The following ANO4 variants were observed in gnomAD, a reference collection of about 807,000 sequenced individuals.
ANO4 encodes anoctamin 4.
A neutral mutation model predicts 141.9 loss-of-function variants in ANO4; 69 were observed. The observed-to-expected ratio is 0.49, with a 90% CI of 0.40 to 0.59. The LOEUF is 0.59. Among genes scored for constraint, ANO4 ranks in the 20% least tolerant of loss-of-function variants. The pLI, the probability that ANO4 is intolerant of heterozygous loss-of-function variation, is 0.00. For missense variants in ANO4, 894 were observed against 1,162.2 expected (o/e 0.77, Z 3.36); for synonymous variants, 350 against 394.3 (o/e 0.89, Z 1.33).
chr12:100,807,531 G>A (rs940957971), intron 1 of ANO4, among the ~76,000 whole-genome samples: 1 of 152,118 alleles, frequency 6.6e-6, no homozygotes, highest in African/African-American at 2.4e-5. Flanking sequence ...TTTGGAGAAA[G>A]GGTTAAATTA....
At chr12:100,926,503 C>T (rs879285945) in intron 3 of ANO4, among the ~76,000 whole-genome samples, 21 of 152,010 alleles carry the variant, frequency 1.4e-4, no homozygotes, top group Non-Finnish European at 2.2e-4. Context: ...AAAATGAAAA[C>T]GTTTTCAGAT....
chr12:100,798,133 A>G (rs1356330973), intron 1 of ANO4, among the ~76,000 whole-genome samples: 1 of 152,212 alleles, frequency 6.6e-6, no homozygotes. Flanking sequence ...TTTACTGTCT[A>G]AAAGGTCTTT....
intron 7 of ANO4, among the ~76,000 whole-genome samples, chr12:100,984,614 T>C (rs1277626359): frequency 6.6e-6 from 1 of 152,200 alleles, no homozygotes; most frequent in Non-Finnish European, 1.5e-5. Context: ...TTGTTACTAT[T>C]ACCTCTATTT....
intron 16 of ANO4, 125 bp from the exon 17 acceptor site, chr12:101,086,535 G>T: frequency 1.0e-6 from 1 of 965,674 alleles, no homozygotes; most frequent in East Asian, 2.4e-5. Context: ...ATTTGATTGT[G>T]ATCTCTTGAG....
intron 7 of ANO4, among the ~76,000 whole-genome samples, chr12:100,986,202 T>C (rs2044700346): frequency 1.3e-5 from 2 of 152,098 alleles, no homozygotes; most frequent in African/African-American, 2.4e-5. Flanking sequence ...GCTCATAAGA[T>C]TCTGGAGAGC....
At chr12:100,939,218 G>C (rs1312078738) in intron 3 of ANO4, 97 bp from the exon 4 acceptor site, 2 of 1,281,720 alleles carry the variant, frequency 1.6e-6, no homozygotes, top group African/African-American at 3.0e-5. Flanking sequence ...GAAATGATGA[G>C]AAAATATGAA....
At chr12:100,866,581 G>C (rs1363418650) in intron 1 of ANO4, among the ~76,000 whole-genome samples, 1 of 152,158 alleles carries the variant, frequency 6.6e-6, no homozygotes. Context: ...CCTTTTCTCT[G>C]TGTTAGTTCA....
chr12:100,765,030 G>T (rs1375143883), intron 3 of ANO4, among the ~76,000 whole-genome samples: 1 of 152,180 alleles, frequency 6.6e-6, no homozygotes, highest in Non-Finnish European at 1.5e-5. Context: ...GTTTAAGAGG[G>T]ATTGGTTTTA....
intron 8 of ANO4, among the ~76,000 whole-genome samples, chr12:100,988,954 G>A (rs1357304361): frequency 2.0e-5 from 3 of 152,058 alleles, no homozygotes; most frequent in African/African-American, 7.3e-5. Flanking sequence ...GGAGTGCCAG[G>A]TGGGGACATA....
At chr12:100,914,355 A>G (rs1265707409) in intron 2 of ANO4, among the ~76,000 whole-genome samples, 2 of 152,228 alleles carry the variant, frequency 1.3e-5, no homozygotes, top group African/African-American at 4.8e-5. Context: ...GAACTTGGCC[A>G]TTAGGACTAC....
chr12:100,977,927 G>A (rs1018436506), intron 7 of ANO4, among the ~76,000 whole-genome samples: 9 of 152,150 alleles, frequency 5.9e-5, no homozygotes, highest in Admixed American at 1.3e-4. Flanking sequence ...TTATGCTCAC[G>A]TGGGTTTATG....
chr12:101,021,614 A>G (rs2046533175), intron 9 of ANO4, among the ~76,000 whole-genome samples: 1 of 152,238 alleles, frequency 6.6e-6, no homozygotes, highest in South Asian at 2.1e-4. Flanking sequence ...AGAAGGTTGC[A>G]TTAAATGACA....
At chr12:100,979,685 G>A (rs539515363) in intron 7 of ANO4, among the ~76,000 whole-genome samples, 52 of 152,126 alleles carry the variant, frequency 3.4e-4, no homozygotes, top group African/African-American at 1.2e-3. Flanking sequence ...CAGAGGAGAG[G>A]CTTTGAGTGA....
intron 9 of ANO4, among the ~76,000 whole-genome samples, chr12:101,021,183 C>T (rs1221088826): frequency 6.6e-6 from 1 of 152,160 alleles, no homozygotes; most frequent in Admixed American, 6.5e-5. Flanking sequence ...CTCTGGAGTA[C>T]TGGGGGAAGC....
intron 7 of ANO4, among the ~76,000 whole-genome samples, chr12:100,982,082 C>T (rs1048207340): frequency 6.6e-6 from 1 of 152,170 alleles, no homozygotes; most frequent in Non-Finnish European, 1.5e-5. Context: ...AGCTTACCAT[C>T]AGAACAACTT....
intron 23 of ANO4, among the ~76,000 whole-genome samples, chr12:101,110,944 C>T (rs539452532): frequency 2.6e-5 from 4 of 152,294 alleles, no homozygotes; most frequent in East Asian, 1.9e-4. Context: ...GTTTTTCTAA[C>T]GGCAGAGATG....
At chr12:100,914,742 C>G (rs1239105425) in intron 2 of ANO4, among the ~76,000 whole-genome samples, 2 of 152,082 alleles carry the variant, frequency 1.3e-5, no homozygotes, top group Admixed American at 6.6e-5. Context: ...TTTCTCTCTT[C>G]TTCAGAGACT....
At chr12:100,976,810 A>G (rs900555307) in intron 7 of ANO4, among the ~76,000 whole-genome samples, 31 of 152,234 alleles carry the variant, frequency 2.0e-4, no homozygotes, top group African/African-American at 7.5e-4. Context: ...AGGTGAAGAG[A>G]GGTTTCTCCC....
chr12:100,897,750 G>C (rs1452697669), intron 1 of ANO4, among the ~76,000 whole-genome samples: 1 of 152,324 alleles, frequency 6.6e-6, no homozygotes, highest in Middle Eastern at 3.4e-3. Flanking sequence ...TACAGCTCTA[G>C]ATAGTTCTTA....
Sources: allele counts gnomAD v4.1 joint callset (sites outside exome capture counted in the v4.1 genomes callset), GRCh38; gene constraint gnomAD v4.1.1; transcripts MANE v1.5; gene names NCBI Gene and HGNC (gene_info 2026-07-23, HGNC 2026-07-21).